The following PLCL1 variants were observed in gnomAD, a reference collection of about 807,000 sequenced individuals.
PLCL1 encodes phospholipase C like 1 (inactive).
PLCL1 carries 41 observed loss-of-function variants against 84.4 expected under a neutral mutation model. The observed-to-expected ratio is 0.49, with a 90% CI of 0.38 to 0.63. PLCL1 has a LOEUF of 0.63. PLCL1 is among the 30% of genes least tolerant of loss of function. PLCL1 has a pLI of 0.00. For synonymous variants in PLCL1, 490 were observed against 488.3 expected (o/e 1.00, Z -0.05); for missense variants, 1,206 against 1,367.8 (o/e 0.88, Z 1.87).
At chr2:198,039,878 A>G (rs1266127945) in intron 1 of PLCL1, among the ~76,000 whole-genome samples, 1 of 152,190 alleles carries the variant, frequency 6.6e-6, no homozygotes, top group Non-Finnish European at 1.5e-5. Context: ...GCTATGTTCT[A>G]GAAAATGTAT....
In PLCL1 at chr2:197,886,553, GA is replaced by G. The variant is rs36027486; in HGVS notation, c.240+81223del. 6.8e-4 allele frequency among the ~76,000 whole-genome samples: 102 copies of G among 149,756 alleles called. 1 individual carries two copies. The highest frequency in any genetic ancestry group is 2.2e-3 in the African/African-American group (92 of 40,902). ...TTGTCAGTTTATTTGAAGGTTTGTG[GA>G]AAAAAAAATTATCAGATTGTCAGTT... On this transcript the variant is annotated intron_variant, in intron 1 of 5. Transcript: ENST00000428675.
chr2:197,991,822 T>C (rs1321213140), intron 1 of PLCL1, among the ~76,000 whole-genome samples: 1 of 152,110 alleles, frequency 6.6e-6, no homozygotes, highest in African/African-American at 2.4e-5. Flanking sequence ...CCTTGAAGCA[T>C]GGTGGGGTAT....
At chr2:198,107,833 A>G (rs989436256) in intron 5 of PLCL1, among the ~76,000 whole-genome samples, 1 of 151,894 alleles carries the variant, frequency 6.6e-6, no homozygotes, top group Admixed American at 6.6e-5. Flanking sequence ...CTTGAGCACT[A>G]GAGTAGTGGA....
intron 1 of PLCL1, among the ~76,000 whole-genome samples, chr2:198,066,179 T>C (rs1231580987): frequency 6.6e-6 from 1 of 152,206 alleles, no homozygotes. Flanking sequence ...TATTCTGCCT[T>C]CTTTCCTTAA....
At chr2:198,076,979 A>G (rs1268534639) in intron 1 of PLCL1, among the ~76,000 whole-genome samples, 3 of 152,222 alleles carry the variant, frequency 2.0e-5, no homozygotes, top group African/African-American at 7.2e-5. Context: ...GGCAAAATGT[A>G]TGCATCAGAA....
intron 1 of PLCL1, among the ~76,000 whole-genome samples, chr2:197,912,923 C>A (rs1688515378): frequency 7.1e-6 from 1 of 141,384 alleles, no homozygotes; most frequent in African/African-American, 2.6e-5. Context: ...GCACAATGTG[C>A]ACATGTACCC....
intron 1 of PLCL1, among the ~76,000 whole-genome samples, chr2:197,807,005 A>C (rs1454671021): frequency 6.6e-6 from 1 of 152,198 alleles, no homozygotes; most frequent in Non-Finnish European, 1.5e-5. Context: ...TGTGACAAAA[A>C]AGGAGGGAGA....
intron 5 of PLCL1, among the ~76,000 whole-genome samples, chr2:198,115,645 T>TG (rs1693726402): frequency 6.6e-6 from 1 of 151,884 alleles, no homozygotes; most frequent in Admixed American, 6.6e-5. Context: ...TCCACATGGC[T>TG]GGGGTAGCCT....
chr2:198,072,395 G>A (rs535379144), intron 1 of PLCL1, among the ~76,000 whole-genome samples: 8 of 150,632 alleles, frequency 5.3e-5, no homozygotes, highest in South Asian at 4.2e-4. Flanking sequence ...GGATTTTCTC[G>A]GTAAATAGTT....
At chr2:198,127,147 G>A (rs1694007934) in intron 5 of PLCL1, among the ~76,000 whole-genome samples, 1 of 152,076 alleles carries the variant, frequency 6.6e-6, no homozygotes, top group South Asian at 2.1e-4. Flanking sequence ...AAAGGGAATT[G>A]TCTATGGGGT....
intron 1 of PLCL1, among the ~76,000 whole-genome samples, chr2:197,923,036 G>A (rs1688744139): frequency 4.2e-5 from 5 of 118,778 alleles, no homozygotes; most frequent in African/African-American, 1.6e-4. Flanking sequence ...GCCGGGCAGA[G>A]GCGCCCCTCA....
intron 1 of PLCL1, among the ~76,000 whole-genome samples, chr2:197,877,695 CA>C (rs1468738683): frequency 6.6e-6 from 1 of 151,986 alleles, no homozygotes; most frequent in Non-Finnish European, 1.5e-5. Flanking sequence ...AAATATATGT[CA>C]AAAAGAAAGG....
chr2:198,010,217 C>T (rs1469913187), intron 1 of PLCL1, among the ~76,000 whole-genome samples: 1 of 151,880 alleles, frequency 6.6e-6, no homozygotes, highest in Non-Finnish European at 1.5e-5. Flanking sequence ...ATAGTCGTGG[C>T]AAGAGTGGGC....
At chr2:197,938,323 A>G (rs1454006131) in intron 1 of PLCL1, among the ~76,000 whole-genome samples, 2 of 152,188 alleles carry the variant, frequency 1.3e-5, no homozygotes, top group Admixed American at 6.5e-5. Flanking sequence ...TTGAACTTCT[A>G]TAGTAACCTC....
At chr2:198,060,484 T>C (rs1216899992) in intron 1 of PLCL1, among the ~76,000 whole-genome samples, 1 of 152,190 alleles carries the variant, frequency 6.6e-6, no homozygotes. Flanking sequence ...CTCAGATGAA[T>C]TTTCCTGCTG....
rs1688239087 is a variant in PLCL1 at position 197,900,215 on chromosome 2, A to G, written c.240+94876A>G. On this transcript the variant is annotated intron_variant, in intron 1 of 5. Coordinates refer to ENST00000428675, the MANE Select transcript of PLCL1 (RefSeq NM_006226.4). ...CTTAGAAGAGTGAGTACATATAGTA[A>G]GTGGCCAATAAATATTCACTAACTG... Among the ~76,000 whole-genome samples the G allele has an allele frequency of 2.6e-5, 4 of 152,244 alleles. No homozygotes were observed. The South Asian group carries it at 8.3e-4, about 31-fold the overall frequency.
chr2:198,037,825 C>G (rs1691581653), intron 1 of PLCL1, among the ~76,000 whole-genome samples: 2 of 152,006 alleles, frequency 1.3e-5, no homozygotes, highest in Admixed American at 6.6e-5. Context: ...TGGAAAGACT[C>G]TAGAAAAGAA....
chr2:197,878,498 C>A (rs528211348), intron 1 of PLCL1, among the ~76,000 whole-genome samples: 1 of 152,200 alleles, frequency 6.6e-6, no homozygotes, highest in African/African-American at 2.4e-5. Flanking sequence ...TTAAAGTCAG[C>A]CTATCTTTTG....
chr2:198,018,724 G>A (rs766280709), intron 1 of PLCL1, among the ~76,000 whole-genome samples: 5 of 152,236 alleles, frequency 3.3e-5, no homozygotes, highest in Admixed American at 1.3e-4. Flanking sequence ...AAAGGCAGCA[G>A]CCCCAGTCAG....
Sources: gnomAD v4.1 joint callset for allele counts (sites outside exome capture counted in the v4.1 genomes callset) on GRCh38, gnomAD v4.1.1 for gene constraint, MANE v1.5 for transcripts, NCBI Gene and HGNC (gene_info 2026-07-23, HGNC 2026-07-21) for gene names.